The following UGT2A1 variants were observed in gnomAD, a reference collection of about 807,000 sequenced individuals.
UGT2A1 encodes the protein UDP glucuronosyltransferase family 2 member A1 complex locus.
UGT2A1 carries 61 observed loss-of-function variants against 45.4 expected under a neutral mutation model. The ratio of observed to expected loss-of-function variants is 1.34; its 90% CI spans 1.09 to 1.66. UGT2A1 has a LOEUF of 1.66. Among genes scored for constraint, UGT2A1 ranks in the 40% most tolerant of loss-of-function variants. UGT2A1 has a pLI of 0.00. For synonymous variants in UGT2A1, 229 were observed against 196.2 expected, an observed-to-expected ratio of 1.17 and a Z score of -1.40; for missense variants, 649 against 574.3, an observed-to-expected ratio of 1.13 and a Z score of -1.33.
chr4:69,605,514 A>G (rs1342192662), intron 3 of UGT2A1, among the ~76,000 whole-genome samples: 1 of 136,764 alleles, frequency 7.3e-6, no homozygotes, highest in East Asian at 2.0e-4. Flanking sequence ...TGAAAGAACT[A>G]GAGAAGCAAG....
At position 69,589,594 on chromosome 4, in the gene UGT2A1, G is replaced by A. The variant is rs756512694; in HGVS notation, c.1362C>T (p.Pro454=). 5.0e-6 allele frequency: 8 copies of A among 1,613,838 alleles called. No individual in the cohort carries two copies. The highest frequency in any genetic ancestry group is 6.8e-6 in the Non-Finnish European group (8 of 1,179,866). Residue 454 remains proline (P), a synonymous_variant, in exon 7 of 7, where the codon CCC becomes CCT. Transcript: ENST00000286604. Reference sequence around the variant, plus strand: ...CGATCCAGAAGACTGCTCGATCCAGGGGCTTTACAGGTTGATCATGGTGAA... The same window carrying A: ...CGATCCAGAAGACTGCTCGATCCAGAGGCTTTACAGGTTGATCATGGTGAA... ...SRIHHDQPVK[P]LDRAVFWIEF...
At chr4:69,596,129 C>A in intron 4 of UGT2A1, 1 of 1,290,254 alleles carries the variant, frequency 7.8e-7, no homozygotes, top group Non-Finnish European at 1.0e-6. Flanking sequence ...TTACTTACAA[C>A]TGTTACTAGT....
chr4:69,596,331 A>C (rs751675239), intron 4 of UGT2A1: 2 of 1,607,832 alleles, frequency 1.2e-6, no homozygotes, highest in Non-Finnish European at 1.7e-6. Context: ...ATCCCAGAGA[A>C]AACACCACAA....
intron 3 of UGT2A1, among the ~76,000 whole-genome samples, chr4:69,601,746 A>AGCTGGTGCTAACAACCAAAAAAGAGCC (rs376517060): frequency 1.5e-3 from 209 of 139,520 alleles, no homozygotes; most frequent in South Asian, 2.3e-3. Flanking sequence ...GCTGGTATCC[A>AGCTGGTGCTAACAACCAAAAAAGAGCC]CTGATGGGAG....
chr4:69,647,073 G>A lies in UGT2A1; in HGVS notation c.572C>T (p.Ser191Phe). 6.2e-7 allele frequency: 1 copy of A among 1,612,970 alleles called. No homozygotes were observed. Among genetic ancestry groups the A allele is most frequent in the Non-Finnish European group, 8.5e-7 (1 of 1,179,316 alleles). Reference sequence around the variant, plus strand: ...TTCTGATAAAACAGCAGGAACATAGGAAGGAGGGTATGGTACCTTCCCACA... The same window carrying A: ...TTCTGATAAAACAGCAGGAACATAGAAAGGAGGGTATGGTACCTTCCCACA... ...KHCGKVPYPPSYVPAVLSELT... is the reference protein window; with the variant it reads ...KHCGKVPYPPFYVPAVLSELT... The change falls in exon 2 of 7, where the codon TCC (serine) becomes TTC (phenylalanine). Residue 191 changes from serine (S) to phenylalanine (F), a missense_variant. Coordinates refer to ENST00000286604, the MANE Select transcript of UGT2A1 (RefSeq NM_001252275.3).
In UGT2A1 at chr4:69,589,472, A is replaced by G. The variant is rs1344690526; in HGVS notation, c.1484T>C (p.Leu495Ser). ...TATAGCCGTTGTCACACAGACCAGCAAGAACCCAATTACATCCAAAGAGTG... is the reference window on the plus strand; with the variant it reads ...TATAGCCGTTGTCACACAGACCAGCGAGAACCCAATTACATCCAAAGAGTG... ...QYHSLDVIGF[L>S]LVCVTTAIFL... Residue 495 changes from leucine to serine, a missense_variant, in exon 7 of 7, where the codon TTG (leucine) becomes TCG (serine). Transcript: ENST00000286604. The G allele has an allele frequency of 3.1e-6, 5 of 1,614,174 alleles. No homozygotes were observed. Among genetic ancestry groups the G allele is most frequent in the South Asian group, 1.1e-5 (1 of 91,084 alleles).
intron 3 of UGT2A1, among the ~76,000 whole-genome samples, chr4:69,618,183 A>C (rs936449924): frequency 5.5e-5 from 7 of 126,354 alleles, no homozygotes; most frequent in African/African-American, 2.2e-4. Context: ...ATAGGCCAGT[A>C]AGCATGTGTG....
At chr4:69,639,165 T>C in intron 2 of UGT2A1, 2 of 1,613,704 alleles carry the variant, frequency 1.2e-6, no homozygotes, top group Non-Finnish European at 1.7e-6. Context: ...TGTTACTGGG[T>C]CTGCTACCAA....
chr4:69,611,005 C>G (rs4401516), intron 3 of UGT2A1, among the ~76,000 whole-genome samples: 59,930 of 151,790 alleles, frequency 0.39, 12,156 homozygotes, highest in African/African-American at 0.48. Context: ...TACCTCAGTT[C>G]ATGGATTTAG....
At chr4:69,614,619 G>T (rs775297012) in intron 3 of UGT2A1, among the ~76,000 whole-genome samples, 4 of 151,932 alleles carry the variant, frequency 2.6e-5, no homozygotes, top group African/African-American at 7.2e-5. Context: ...TATAAAAAAA[G>T]ACATATAGAC....
intron 1 of UGT2A1, among the ~76,000 whole-genome samples, chr4:69,652,439 A>G (rs1396651719): frequency 6.6e-6 from 1 of 151,560 alleles, no homozygotes; most frequent in Non-Finnish European, 1.5e-5. Context: ...GACCACCACC[A>G]CACCTGTCTA....
chr4:69,623,134 A>G (rs978104502), intron 3 of UGT2A1, among the ~76,000 whole-genome samples: 12 of 151,896 alleles, frequency 7.9e-5, no homozygotes, highest in Non-Finnish European at 1.3e-4. Flanking sequence ...ACACTTCTCA[A>G]TTGTTGATTT....
chr4:69,594,734 A>T, intron 5 of UGT2A1, 38 bp from the exon 6 acceptor site: 1 of 1,586,990 alleles, frequency 6.3e-7, no homozygotes, highest in Non-Finnish European at 8.6e-7. Context: ...GTGTGTAATA[A>T]TAACACATTA....
At chr4:69,636,049 TAA>T (rs552729638) in intron 2 of UGT2A1, among the ~76,000 whole-genome samples, 51 of 152,268 alleles carry the variant, frequency 3.3e-4, no homozygotes, top group African/African-American at 1.2e-3. Flanking sequence ...CTGTAAGATT[TAA>T]GAGTTCCTCA....
intron 2 of UGT2A1, chr4:69,639,064 C>T: frequency 6.2e-7 from 1 of 1,613,306 alleles, no homozygotes; most frequent in Non-Finnish European, 8.5e-7. Context: ...GGGATTTTCC[C>T]ACAGTGTCTC....
intron 3 of UGT2A1, among the ~76,000 whole-genome samples, chr4:69,623,519 G>T (rs1178415213): frequency 2.0e-5 from 3 of 151,346 alleles, no homozygotes; most frequent in Non-Finnish European, 4.4e-5. Context: ...ATATTTAACA[G>T]AATAGTTTAT....
chr4:69,650,083 T>A (rs949514130), intron 1 of UGT2A1, among the ~76,000 whole-genome samples: 1 of 152,252 alleles, frequency 6.6e-6, no homozygotes, highest in East Asian at 1.9e-4. Flanking sequence ...GCCCCCTCTC[T>A]GCTGTGGAAA....
chr4:69,599,612 G>A, intron 3 of UGT2A1: 1 of 557,896 alleles, frequency 1.8e-6, no homozygotes, highest in Non-Finnish European at 2.7e-6. Context: ...AGGGAGGAAG[G>A]GAGGAAGGCA....
chr4:69,632,384 C>T (rs1362569626), intron 3 of UGT2A1, among the ~76,000 whole-genome samples: 1 of 152,040 alleles, frequency 6.6e-6, no homozygotes, highest in Non-Finnish European at 1.5e-5. Context: ...CACACAGCAC[C>T]TTTCAGAATT....
Sources: allele counts gnomAD v4.1 joint callset (sites outside exome capture counted in the v4.1 genomes callset), GRCh38; gene constraint gnomAD v4.1.1; transcripts MANE v1.5; gene names NCBI Gene and HGNC (gene_info 2026-07-23, HGNC 2026-07-21).